PCBP3: variants seen among roughly 807,000 people sequenced by gnomAD.
PCBP3 encodes the protein poly(rC) binding protein 3, also known as poly(rC)-binding protein 3.
A neutral mutation model predicts 52.7 loss-of-function variants in PCBP3; 25 were observed. The ratio of observed to expected loss-of-function variants is 0.47; its 90% confidence interval spans 0.35 to 0.66. PCBP3 has a LOEUF of 0.66. Ranked by LOEUF, PCBP3 falls within the 30% of genes least tolerant of loss-of-function variation. The probability of loss-of-function intolerance (pLI) is 0.01; values close to 1 mark genes in which losing one functional copy is unlikely to be tolerated. For synonymous variants in PCBP3, 162 were observed against 183.0 expected, an observed-to-expected ratio of 0.89 and a Z score of 0.93; for missense variants, 391 against 490.3, an observed-to-expected ratio of 0.80 and a Z score of 1.91.
At chr21:45,847,496 G>A (rs2093841198) in intron 4 of PCBP3, among the ~76,000 whole-genome samples, 1 of 152,152 alleles carries the variant, frequency 6.6e-6, no homozygotes, top group African/African-American at 2.4e-5. Flanking sequence ...AGATTCTTTT[G>A]TAGTGGGTTT....
At chr21:45,675,754 G>A (rs1469795054) in intron 2 of PCBP3, among the ~76,000 whole-genome samples, 1 of 152,094 alleles carries the variant, frequency 6.6e-6, no homozygotes, top group Non-Finnish European at 1.5e-5. Context: ...ATAATGATAT[G>A]GAGCCATTCT....
intron 5 of PCBP3, among the ~76,000 whole-genome samples, chr21:45,888,715 GAAT>G (rs2095581362): frequency 6.6e-6 from 1 of 152,274 alleles, no homozygotes; most frequent in Non-Finnish European, 1.5e-5. Context: ...AAGCTGAAAT[GAAT>G]AAACATGTTC....
intron 2 of PCBP3, among the ~76,000 whole-genome samples, chr21:45,682,473 C>A (rs993689054): frequency 2.0e-5 from 3 of 152,072 alleles, no homozygotes; most frequent in African/African-American, 4.8e-5. Context: ...TGTAACCAGG[C>A]AAAAACTGAA....
chr21:45,737,199 TG>T lies in PCBP3; in HGVS notation c.-162+1772del, dbSNP rs1190085126. Among the ~76,000 whole-genome samples the T allele has an allele frequency of 1.3e-5, 2 of 151,732 alleles. No homozygotes were observed. Among genetic ancestry groups the T allele is most frequent in the Non-Finnish European group, 2.9e-5 (2 of 67,928 alleles). ...ATCCCGAGGCTGCTCTCAGTCCACG[TG>T]GCGTCGGGGCTGAGAGGAGCCCACA... On this transcript the variant is annotated intron_variant, in intron 3 of 17. Transcript: ENST00000681687. The surrounding 1 kb of genome is among the most constrained non-coding windows in gnomAD (Gnocchi z 4.9).
chr21:45,795,848 T>C (rs1206809897), intron 4 of PCBP3, among the ~76,000 whole-genome samples: 2 of 152,328 alleles, frequency 1.3e-5, no homozygotes, highest in Admixed American at 1.3e-4. Context: ...AGAGAAGGTG[T>C]GAAACCTTAA....
At position 45,735,682 on chromosome 21, in the gene PCBP3, C is replaced by T. The variant is rs558370587; in HGVS notation, c.-162+253C>T. ...AAATTTTAAAAGAGGCAGTTTCCTC[C>T]CTCTCTGGTAACCTTTCTCCACAGT... On this transcript the variant is annotated intron_variant, in intron 3 of 17. Coordinates refer to ENST00000681687, the MANE Select transcript of PCBP3 (RefSeq NM_001384156.1). The surrounding 1 kb of genome is among the most constrained non-coding windows in gnomAD (Gnocchi z 4.0). Among the ~76,000 whole-genome samples the T allele has an allele frequency of 6.6e-6, 1 of 152,286 alleles. No individual in the cohort carries two copies. The highest frequency in any genetic ancestry group is 1.9e-4 in the East Asian group (1 of 5,186).
intron 5 of PCBP3, among the ~76,000 whole-genome samples, chr21:45,861,245 A>G (rs1267060396): frequency 6.6e-6 from 1 of 152,068 alleles, no homozygotes; most frequent in Non-Finnish European, 1.5e-5. Context: ...ACTTACCCAC[A>G]GCACCCACCT....
intron 2 of PCBP3, chr21:45,728,553 A>AT (rs1344403230): frequency 6.6e-6 from 1 of 152,056 alleles, no homozygotes; most frequent in Non-Finnish European, 1.5e-5. Flanking sequence ...TATTTTTCTG[A>AT]TTTTTTATCA....
intron 2 of PCBP3, among the ~76,000 whole-genome samples, chr21:45,673,202 G>T (rs1427547008): frequency 6.6e-6 from 1 of 152,148 alleles, no homozygotes; most frequent in Non-Finnish European, 1.5e-5. Flanking sequence ...GAAAATTTCT[G>T]ATTAGACTCT....
intron 1 of PCBP3, among the ~76,000 whole-genome samples, chr21:45,663,237 C>T (rs889100332): frequency 6.6e-6 from 1 of 152,164 alleles, no homozygotes; most frequent in Admixed American, 6.5e-5. Context: ...ACGTGACCCA[C>T]GTGACCTTAC....
intron 1 of PCBP3, among the ~76,000 whole-genome samples, chr21:45,650,165 A>G (rs2079584252): frequency 2.0e-5 from 3 of 150,228 alleles, no homozygotes; most frequent in Non-Finnish European, 4.4e-5. Flanking sequence ...CATTTTTACA[A>G]AAAAAAAAAC....
chr21:45,859,966 G>T (rs1171247094), intron 5 of PCBP3, among the ~76,000 whole-genome samples: 2 of 152,222 alleles, frequency 1.3e-5, no homozygotes, highest in African/African-American at 4.8e-5. Context: ...ATGGGCCTCA[G>T]GGACCAGCCA....
rs553196602 is a variant in PCBP3, at chr21:45,730,195, T to C, written c.-199-5197T>C. 2.0e-5 allele frequency among the ~76,000 whole-genome samples: 3 copies of C among 152,132 alleles called. No homozygotes were observed. The South Asian group carries it at 6.2e-4, about 32-fold the overall frequency. On this transcript the variant is annotated intron_variant, in intron 2 of 17. Coordinates refer to ENST00000681687, the MANE Select transcript of PCBP3 (RefSeq NM_001384156.1). ...ATTTCCCTCTTGGTACTGCTTTTACTGCCTCCCACATATTTTGATATGTAG... is the reference window on the plus strand; with the variant it reads ...ATTTCCCTCTTGGTACTGCTTTTACCGCCTCCCACATATTTTGATATGTAG...
At chr21:45,688,640 A>G (rs551572083) in intron 2 of PCBP3, among the ~76,000 whole-genome samples, 14 of 152,132 alleles carry the variant, frequency 9.2e-5, no homozygotes, top group Non-Finnish European at 1.8e-4. Flanking sequence ...AGATCAATAA[A>G]ATGAAAAACA....
At chr21:45,707,548 TA>T (rs1188026598) in intron 2 of PCBP3, among the ~76,000 whole-genome samples, 1 of 152,040 alleles carries the variant, frequency 6.6e-6, no homozygotes, top group Non-Finnish European at 1.5e-5. Context: ...ATAAAATAAA[TA>T]AAATGTAGTT....
intron 3 of PCBP3, among the ~76,000 whole-genome samples, chr21:45,745,495 C>T (rs1040291913): frequency 2.0e-5 from 3 of 152,194 alleles, no homozygotes; most frequent in Non-Finnish European, 4.4e-5. Flanking sequence ...GTCATGACTG[C>T]AGAGTTGGAA....
chr21:45,920,762 C>T (rs975029962), intron 13 of PCBP3, among the ~76,000 whole-genome samples: 2 of 152,164 alleles, frequency 1.3e-5, no homozygotes, highest in African/African-American at 4.8e-5. Context: ...AGGACAAGAG[C>T]GTTCAGGCAC....
intron 4 of PCBP3, among the ~76,000 whole-genome samples, chr21:45,803,013 A>G (rs2092364439): frequency 6.6e-6 from 1 of 152,240 alleles, no homozygotes; most frequent in South Asian, 2.1e-4. Flanking sequence ...TACAGTCATA[A>G]TTTGAAAACA....
chr21:45,763,437 G>A (rs1235117238), intron 4 of PCBP3: 1 of 152,584 alleles, frequency 6.6e-6, no homozygotes, highest in East Asian at 1.9e-4. Flanking sequence ...GGCTGCCCGC[G>A]GATGGATTTG....
Sources: gnomAD v4.1 joint callset for allele counts (sites outside exome capture counted in the v4.1 genomes callset) on GRCh38, gnomAD v4.1.1 for gene constraint, Gnocchi (gnomAD v3.1) non-coding constraint, MANE v1.5 for transcripts, NCBI Gene and HGNC (gene_info 2026-07-23, HGNC 2026-07-21) for gene names.